Variants in HACE1 observed in about 807,000 individuals in gnomAD.
The protein encoded by HACE1 is E3 ubiquitin-protein ligase HACE1.
Under a neutral mutation model 118.4 loss-of-function variants are expected in HACE1, and 73 were observed. The observed-to-expected ratio is 0.62, with a 90% CI of 0.51 to 0.75. The LOEUF is 0.75. HACE1 is among the 30% of genes least tolerant of loss of function. The pLI is 0.00. For synonymous variants in HACE1, 368 were observed against 374.8 expected (o/e 0.98, Z 0.21); for missense variants, 749 against 1,102.2 (o/e 0.68, Z 4.54).
At chr6:104,852,454 ACT>A in intron 1 of HACE1, 83 bp from the exon 2 acceptor site, 1 of 839,436 alleles carries the variant, frequency 1.2e-6, no homozygotes. Context: ...AATTTTCCTA[ACT>A]CTATACAAAA....
In HACE1 at chr6:104,852,319, G is replaced by A. The variant is rs1212607435; in HGVS notation, c.129C>T (p.His43=). 6.2e-7 allele frequency: 1 copy of A among 1,608,708 alleles called. No homozygotes were observed. Among genetic ancestry groups the A allele is most frequent in the African/African-American group, 1.3e-5 (1 of 74,752 alleles). ...AAATTTTTGGAACAAGCACTCACCT[G>A]TGTTGATCAGCCATAACCATTGGCA... The part of the protein sequence containing the change: ...TLMPMVMADQ[H]RSVSELLSNS... The change falls in exon 2 of 24, where the codon CAC becomes CAT. Residue 43 remains histidine (H), a splice_region_variant and synonymous_variant. Transcript: ENST00000262903.
chr6:104,854,265 A>C (rs542575187), intron 1 of HACE1, among the ~76,000 whole-genome samples: 18 of 152,304 alleles, frequency 1.2e-4, no homozygotes, highest in Non-Finnish European at 2.4e-4. Flanking sequence ...AAGAAACATA[A>C]CTAAAGGCAA....
intron 11 of HACE1, chr6:104,786,890 T>C (rs1292468184): frequency 6.6e-6 from 1 of 152,192 alleles, no homozygotes; most frequent in Non-Finnish European, 1.5e-5. Context: ...AAATAATCTT[T>C]CTTTTAAAGA....
chr6:104,761,006 C>G (rs896296090), intron 19 of HACE1, among the ~76,000 whole-genome samples: 1 of 152,140 alleles, frequency 6.6e-6, no homozygotes, highest in African/African-American at 2.4e-5. Context: ...TGAAGAACCC[C>G]TTCAAGGAGA....
intron 7 of HACE1, among the ~76,000 whole-genome samples, chr6:104,807,529 T>C (rs974970432): frequency 4.6e-5 from 7 of 152,162 alleles, no homozygotes; most frequent in South Asian, 2.1e-4. Flanking sequence ...ATAAAAGTTA[T>C]CTACAAACAG....
intron 6 of HACE1, among the ~76,000 whole-genome samples, chr6:104,812,369 C>T (rs1771718974): frequency 6.6e-6 from 1 of 151,804 alleles, no homozygotes; most frequent in Non-Finnish European, 1.5e-5. Context: ...TCATTTGAGC[C>T]CAGGAGTTCA....
At chr6:104,850,840 A>C (rs934836678) in intron 3 of HACE1, 67 bp downstream of exon 3, 2 of 939,954 alleles carry the variant, frequency 2.1e-6, no homozygotes, top group Non-Finnish European at 3.5e-6. Context: ...TTGTGTGATA[A>C]TGCTGTTCAA....
At chr6:104,850,750 G>A (rs1776120123) in intron 3 of HACE1, among the ~76,000 whole-genome samples, 157 bp downstream of exon 3, 1 of 152,172 alleles carries the variant, frequency 6.6e-6, no homozygotes, top group South Asian at 2.1e-4. Context: ...ACAGTTTAGA[G>A]ACAGAACGGA....
intron 1 of HACE1, among the ~76,000 whole-genome samples, chr6:104,857,680 G>A (rs1227939607): frequency 6.6e-6 from 1 of 151,524 alleles, no homozygotes; most frequent in Non-Finnish European, 1.5e-5. Context: ...TTGGGGCGGG[G>A]CACGGTGGCT....
intron 22 of HACE1, among the ~76,000 whole-genome samples, chr6:104,739,419 C>T (rs915259030): frequency 3.9e-5 from 6 of 152,040 alleles, no homozygotes; most frequent in African/African-American, 1.5e-4. Flanking sequence ...ATTCAGGAAA[C>T]CCATCTCACG....
chr6:104,776,333 T>C (rs1379162777), intron 17 of HACE1, among the ~76,000 whole-genome samples: 2 of 152,216 alleles, frequency 1.3e-5, no homozygotes, highest in Non-Finnish European at 2.9e-5. Flanking sequence ...AATAGGGACT[T>C]TTATTTGTTT....
intron 6 of HACE1, among the ~76,000 whole-genome samples, chr6:104,812,428 G>A (rs1771724812): frequency 1.3e-5 from 2 of 152,164 alleles, no homozygotes; most frequent in South Asian, 4.1e-4. Context: ...TTGGGCAACA[G>A]AGAAAGACCC....
chr6:104,772,897 T>C (rs190036003), intron 17 of HACE1, among the ~76,000 whole-genome samples: 32 of 152,210 alleles, frequency 2.1e-4, no homozygotes, highest in Admixed American at 5.9e-4. Flanking sequence ...GAATTTCTGC[T>C]TGGGGTGATG....
At chr6:104,786,392 T>C (rs1377653059) in intron 11 of HACE1, 1 of 90,988 alleles carries the variant, frequency 1.1e-5, no homozygotes, top group Non-Finnish European at 2.2e-5. Flanking sequence ...CAAGTAAAGA[T>C]TAACACCTTT....
chr6:104,826,326 A>C (rs990330536), intron 6 of HACE1, among the ~76,000 whole-genome samples: 1 of 152,244 alleles, frequency 6.6e-6, no homozygotes, highest in African/African-American at 2.4e-5. Flanking sequence ...GCCTTCAAGA[A>C]GTTTATAGTA....
At chr6:104,804,091 T>A (rs1449357278) in intron 7 of HACE1, among the ~76,000 whole-genome samples, 2 of 152,036 alleles carry the variant, frequency 1.3e-5, no homozygotes, top group African/African-American at 2.4e-5. Flanking sequence ...GAGAGCCAAA[T>A]CATGAGTGAA....
intron 14 of HACE1, among the ~76,000 whole-genome samples, chr6:104,781,274 G>T (rs959552895): frequency 7.9e-5 from 12 of 152,042 alleles, no homozygotes; most frequent in Non-Finnish European, 1.8e-4. Context: ...TCCAAATTTG[G>T]TAGTGGGAGT....
chr6:104,744,166 G>T lies in HACE1; in HGVS notation c.2507C>A (p.Thr836Lys). The T allele has an allele frequency of 6.3e-7, 1 of 1,577,188 alleles. No homozygotes were observed. Among genetic ancestry groups the T allele is most frequent in the African/African-American group, 1.3e-5 (1 of 74,242 alleles). Residue 836 changes from threonine to lysine, a missense_variant, in exon 22 of 24, where the codon ACG (threonine) becomes AAG (lysine). By Grantham distance (78) the Thr-to-Lys change is moderately conservative. Transcript: ENST00000262903. ...TCATAAAAATACTGCTTACCTGCCC[G>T]TAACAAACTGTAAGAGAAGAACTCT... is the stretch of plus-strand genomic sequence containing the variant. ...EERVLLLQFVTGSSRVPHGGF... is the reference protein window; with the variant it reads ...EERVLLLQFVKGSSRVPHGGF...
At chr6:104,756,587 C>T (rs1423161608) in intron 19 of HACE1, among the ~76,000 whole-genome samples, 1 of 151,838 alleles carries the variant, frequency 6.6e-6, no homozygotes, top group South Asian at 2.1e-4. Flanking sequence ...CCAAGATGGC[C>T]GAATAGGAAC....
Sources: gnomAD v4.1 joint callset for allele counts (sites outside exome capture counted in the v4.1 genomes callset) on GRCh38, gnomAD v4.1.1 for gene constraint, MANE v1.5 for transcripts, NCBI Gene and HGNC (gene_info 2026-07-23, HGNC 2026-07-21) for gene names.